The following DNAH9 variants were observed in gnomAD, a reference collection of about 807,000 sequenced individuals.
DNAH9 encodes the protein dynein axonemal heavy chain 9, also known as DNAH9 variant protein.
A neutral mutation model predicts 471.6 loss-of-function variants in DNAH9; 345 were observed. The observed-to-expected ratio is 0.73, with a 90% CI of 0.67 to 0.80. The LOEUF (loss-of-function observed/expected upper bound fraction) is 0.80. DNAH9 is among the 30% of genes least tolerant of loss of function. The pLI is 0.00. For missense variants in DNAH9, 5,407 were observed against 5,609.2 expected (o/e 0.96, Z 1.15); for synonymous variants, 2,093 against 2,123.6 (o/e 0.99, Z 0.40).
intron 49 of DNAH9, among the ~76,000 whole-genome samples, chr17:11,837,450 T>A (rs535636452): frequency 6.6e-6 from 1 of 152,156 alleles, no homozygotes; most frequent in Non-Finnish European, 1.5e-5. Context: ...CACTTTACAC[T>A]CCCATCCAAT....
chr17:11,839,389 G>A (rs917654835), intron 49 of DNAH9, among the ~76,000 whole-genome samples: 3 of 151,914 alleles, frequency 2.0e-5, no homozygotes, highest in Admixed American at 6.6e-5. Context: ...GGTGGCAGGC[G>A]CCTGTAGTCC....
rs146633913 is a variant in DNAH9, at chr17:11,942,371, C to T, written c.12729C>T (p.Ala4243=). The change falls in exon 67 of 69, where the codon GCC becomes GCT. Residue 4243 remains alanine (A), a synonymous_variant. Coordinates refer to ENST00000262442, the MANE Select transcript of DNAH9 (RefSeq NM_001372.4). ...TDEFNIPELM[A]KVEERTPYIV... ...AGTTTAACATCCCAGAACTGATGGC[C>T]AAAGTGGAGGAGCGCACCCCTTACA... 6.2e-7 allele frequency: 1 copy of T among 1,614,176 alleles called. No individual in the cohort carries two copies. Among genetic ancestry groups the T allele is most frequent in the Non-Finnish European group, 8.5e-7 (1 of 1,180,028 alleles).
At position 11,783,753 on chromosome 17, in the gene DNAH9, A is replaced by G; in HGVS notation, c.7821+5A>G. On this transcript the variant is annotated splice_donor_5th_base_variant and intron_variant, in intron 40 of 68. Transcript: ENST00000262442. ...ACCATCAACCCCCGGCTTCAGGTAC[A>G]GGAGGAGCCATGGGACCTGGGTCCT... is the stretch of plus-strand genomic sequence containing the variant. The G allele has an allele frequency of 6.2e-7, 1 of 1,612,958 alleles. No individual in the cohort carries two copies. Among genetic ancestry groups the G allele is most frequent in the Non-Finnish European group, 8.5e-7 (1 of 1,178,966 alleles).
At chr17:11,877,536 C>T (rs916502286) in intron 53 of DNAH9, among the ~76,000 whole-genome samples, 1 of 148,418 alleles carries the variant, frequency 6.7e-6, no homozygotes, top group African/African-American at 2.5e-5. Flanking sequence ...CTGGGTCATC[C>T]TCACTTAGAA....
chr17:11,823,049 G>C lies in DNAH9; in HGVS notation c.9246+15G>C, dbSNP rs772132653. 3.4e-5 allele frequency: 55 copies of C among 1,596,146 alleles called. 1 individual carries two copies. The South Asian group carries it at 5.9e-4, about 17-fold the overall frequency. On this transcript the variant is annotated intron_variant, in intron 48 of 68. Transcript: ENST00000262442. ...CCTCTGCCCAGGTGAGCAATGTCCC[G>C]CTCCTTCCACCTGCAGGGGACTTGG...
chr17:11,651,226 C>G lies in DNAH9; in HGVS notation c.2255C>G (p.Thr752Ser). 6.2e-7 allele frequency: 1 copy of G among 1,614,046 alleles called. No homozygotes were observed. The change falls in exon 13 of 69, where the codon ACT becomes AGT. Residue 752 changes from threonine to serine, a missense_variant. Coordinates refer to ENST00000262442, the MANE Select transcript of DNAH9 (RefSeq NM_001372.4). ...MANWYNKVMK[T>S]LLEVEFPLVE... The stretch of plus-strand genomic sequence containing the variant: ...AATTGGTACAACAAGGTTATGAAAA[C>G]TCTGCTGGAGGTGGAATTTCCATTA...
intron 59 of DNAH9, among the ~76,000 whole-genome samples, chr17:11,902,372 A>G (rs1406405270): frequency 6.6e-6 from 1 of 152,214 alleles, no homozygotes; most frequent in Non-Finnish European, 1.5e-5. Flanking sequence ...GGGAGAAGTC[A>G]CTAACTTTAG....
Position 11,752,883 on chromosome 17 carries a change from C to T in DNAH9, c.6661C>T (p.Pro2221Ser). 1 of 1,609,762 alleles carries T rather than the reference C, an allele frequency of 6.2e-7. No homozygotes were observed. Among genetic ancestry groups the T allele is most frequent in the Non-Finnish European group, 8.5e-7 (1 of 1,177,646 alleles). The part of the protein sequence containing the change: ...RELANITHDG[P>S]KWILLDGDID... ...GCTTGCCAACATCACCCATGATGGG[C>T]CCAAGTGGATTTTACTGGATGGCGA... The change falls in exon 33 of 69, where the codon CCC becomes TCC. Residue 2221 changes from proline to serine, a missense_variant. Around this residue, in one of 3 missense-constraint regions of DNAH9, gnomAD observed 4,636 missense variants for 4,900.3 expected, o/e 0.95. Transcript: ENST00000262442.
In DNAH9 at chr17:11,674,389, C is replaced by T. The variant is rs150304526; in HGVS notation, c.3353+4595C>T. ...GATAAATTGTTCAATCCTGGCCACT[C>T]TGGTGGGAGTGTAATGGTATCTCAC... On this transcript the variant is annotated intron_variant, in intron 17 of 68. Transcript: ENST00000262442. 2.4e-3 allele frequency among the ~76,000 whole-genome samples: 373 copies of T among 152,296 alleles called. 1 individual carries two copies. Among genetic ancestry groups the T allele is most frequent in the African/African-American group, 8.7e-3 (360 of 41,560 alleles).
At chr17:11,846,161 T>C (rs1185759120) in intron 49 of DNAH9, among the ~76,000 whole-genome samples, 1 of 143,218 alleles carries the variant, frequency 7.0e-6, no homozygotes, top group East Asian at 2.1e-4. Context: ...CTTTAATCCA[T>C]CTTGAATTGA....
chr17:11,793,060 G>C (rs1183901831), intron 41 of DNAH9, among the ~76,000 whole-genome samples: 1 of 152,164 alleles, frequency 6.6e-6, no homozygotes, highest in Admixed American at 6.5e-5. Context: ...TTATTTTTAT[G>C]ATGAGCACAA....
intron 53 of DNAH9, among the ~76,000 whole-genome samples, chr17:11,876,943 G>A (rs1013122319): frequency 6.6e-6 from 1 of 151,708 alleles, no homozygotes; most frequent in Non-Finnish European, 1.5e-5. Context: ...GGCCAGGCTG[G>A]TCTCGCACTC....
intron 46 of DNAH9, 151 bp from the exon 47 acceptor site, chr17:11,822,287 G>T: frequency 9.4e-7 from 1 of 1,068,492 alleles, no homozygotes; most frequent in Non-Finnish European, 1.4e-6. Context: ...TGATCTCTTG[G>T]CTGGTGAGGC....
rs759537845 is a variant in DNAH9 at position 11,699,726 on chromosome 17, C to A, written c.4873-5C>A. On this transcript the variant is annotated splice_polypyrimidine_tract_variant and splice_region_variant and intron_variant, in intron 22 of 68. Transcript: ENST00000262442. ...ATGATCCATTGGCCTGGTTTCCCTT[C>A]ATAGGTTCAACGTCACCTTTCCAAA... The A allele has an allele frequency of 1.8e-5, 29 of 1,613,878 alleles. No individual in the cohort carries two copies. Among genetic ancestry groups the A allele is most frequent in the Non-Finnish European group, 2.5e-5 (29 of 1,179,882 alleles).
At position 11,822,754 on chromosome 17, in the gene DNAH9, A is replaced by G. The variant is rs770361584; in HGVS notation, c.9013-47A>G. ...GGTGAGGGGTGAGCAGTTGCCTCCA[A>G]TCTTCAACACAAGATAATCTTTTCA... On this transcript the variant is annotated intron_variant, in intron 47 of 68. Coordinates refer to ENST00000262442, the MANE Select transcript of DNAH9 (RefSeq NM_001372.4). 25 of 1,606,482 alleles carry G rather than the reference A, an allele frequency of 1.6e-5. No individual in the cohort carries two copies. In the East Asian group the frequency reaches 4.7e-4, roughly 30 times the overall value.
At chr17:11,669,870 T>A (rs1256052224) in intron 17 of DNAH9, 76 bp downstream of exon 17, 2 of 1,260,926 alleles carry the variant, frequency 1.6e-6, no homozygotes, top group Non-Finnish European at 2.2e-6. Flanking sequence ...TTTTTTATAT[T>A]TTTTCCCCAT....
chr17:11,882,845 G>C (rs1034359922), intron 55 of DNAH9: 3 of 762,024 alleles, frequency 3.9e-6, no homozygotes, highest in Non-Finnish European at 4.8e-6. Context: ...TCTGGGCATA[G>C]AGCATTCCCA....
rs373224250 is a variant in DNAH9, at chr17:11,727,852, C to T, written c.5744C>T (p.Thr1915Ile). The change falls in exon 28 of 69, where the codon ACT (threonine) becomes ATT (isoleucine). Residue 1915 changes from threonine to isoleucine, a missense_variant. Physicochemically the swap from Thr to Ile is moderately conservative, Grantham distance 89 (BLOSUM62 -1). Transcript: ENST00000262442. ...AACATCTACAAAGGCCTTGCTCAGA[C>T]TGGTGCCTGGGGCTGCTTTGATGAG... ...CGNIYKGLAQTGAWGCFDEFN... is the reference protein window; with the variant it reads ...CGNIYKGLAQIGAWGCFDEFN... 4 of 1,613,984 alleles carry T rather than the reference C, an allele frequency of 2.5e-6. No homozygotes were observed. In the African/African-American group the frequency reaches 4.0e-5, roughly 16 times the overall value.
chr17:11,847,466 A>C (rs1410513200), intron 49 of DNAH9, among the ~76,000 whole-genome samples: 1 of 152,114 alleles, frequency 6.6e-6, no homozygotes, highest in Non-Finnish European at 1.5e-5. Flanking sequence ...TTGAATAGGG[A>C]GTCCTTTCTC....
Sources: gnomAD v4.1 joint callset for allele counts (sites outside exome capture counted in the v4.1 genomes callset) on GRCh38, gnomAD v4.1.1 for gene constraint, gnomAD v4.1.1 regional missense constraint, MANE v1.5 for transcripts, NCBI Gene and HGNC (gene_info 2026-07-23, HGNC 2026-07-21) for gene names.